The following FAM210B variants were observed in gnomAD, a reference collection of about 807,000 sequenced individuals.
The protein encoded by FAM210B is mitochondrial inner membrane scaffold 2.
FAM210B carries 11 observed loss-of-function variants against 14.9 expected under a neutral mutation model. The observed-to-expected ratio is 0.74, with a 90% CI of 0.46 to 1.22. FAM210B has a LOEUF of 1.22. FAM210B is among the 50% of genes most tolerant of loss of function. The pLI, the probability that FAM210B is intolerant of heterozygous loss-of-function variation, is 0.00. For missense variants in FAM210B, 229 were observed against 250.1 expected, an observed-to-expected ratio of 0.92 and a Z score of 0.57; for synonymous variants, 113 against 110.2, an observed-to-expected ratio of 1.03 and a Z score of -0.16.
intron 1 of FAM210B, among the ~76,000 whole-genome samples, chr20:56,361,303 C>G (rs1328834533): frequency 6.6e-6 from 1 of 152,174 alleles, no homozygotes; most frequent in African/African-American, 2.4e-5. Context: ...TGGTGTTTCT[C>G]TATGGCACTT....
chr20:56,365,469 G>C (rs899138117), intron 2 of FAM210B, among the ~76,000 whole-genome samples: 1 of 150,708 alleles, frequency 6.6e-6, no homozygotes, highest in East Asian at 2.0e-4. Context: ...CCAAGTAGCT[G>C]ACACTACAGG....
At chr20:56,361,864 CT>C (rs1983538727) in intron 1 of FAM210B, among the ~76,000 whole-genome samples, 1 of 152,122 alleles carries the variant, frequency 6.6e-6, no homozygotes, top group African/African-American at 2.4e-5. Flanking sequence ...GTAGTCCCAG[CT>C]TCTCGGGAGG....
Position 56,362,038 on chromosome 20 carries a change from C to T in FAM210B, c.186+2847C>T, listed in dbSNP as rs1842110511. On this transcript the variant is annotated intron_variant, in intron 1 of 2. Coordinates refer to ENST00000371384, the MANE Select transcript of FAM210B (RefSeq NM_080821.3). The surrounding 1 kb of genome is among the most constrained non-coding windows in gnomAD (Gnocchi z 4.8). ...CAGCTTGGTCTTGAACTTCTGGCCTCAAGCAATCCTCCTACACCTCAGCTT... is the reference window on the plus strand; with the variant it reads ...CAGCTTGGTCTTGAACTTCTGGCCTTAAGCAATCCTCCTACACCTCAGCTT... 6.6e-6 allele frequency among the ~76,000 whole-genome samples: 1 copy of T among 152,150 alleles called. No homozygotes were observed. Among genetic ancestry groups the T allele is most frequent in the Admixed American group, 6.5e-5 (1 of 15,276 alleles).
Position 56,367,530 on chromosome 20 carries a change from T to G in FAM210B, c.*1243T>G, listed in dbSNP as rs1285243345. ...GGCACACGCCTGTAGTCCCAGCTAC[T>G]GGGGAGGCTGAGGCAGCATTGCTTG... is the stretch of plus-strand genomic sequence containing the variant. On this transcript the variant is annotated 3_prime_UTR_variant, in exon 3 of 3. Transcript: ENST00000371384. The G allele has an allele frequency of 1.3e-5, 2 of 152,386 alleles. No individual in the cohort carries two copies. The highest frequency in any genetic ancestry group is 2.9e-5 in the Non-Finnish European group (2 of 68,206). 9.4% of individuals were successfully genotyped at this position (152,386 alleles called of 1,614,324 possible).
rs1489861595 is a variant in FAM210B, at chr20:56,358,977, G to A, written c.-29G>A. The A allele has an allele frequency of 4.2e-6, 5 of 1,189,056 alleles. No individual in the cohort carries two copies. Among genetic ancestry groups the A allele is most frequent in the Non-Finnish European group, 5.2e-6 (5 of 963,012 alleles). The allele number at this position is 1,189,056 out of a possible 1,614,324, so 73.7% of individuals were successfully genotyped here. A position where few individuals can be genotyped will look rare whatever the true frequency, so the allele number is the denominator to read the frequency against. ...GCCTCCGCCCGCCTCCCGGGTCAGCGGCGCGGGTGCTGCGCCTAGCTGCGC... is the reference window on the plus strand; with the variant it reads ...GCCTCCGCCCGCCTCCCGGGTCAGCAGCGCGGGTGCTGCGCCTAGCTGCGC... On this transcript the variant is annotated 5_prime_UTR_variant, in exon 1 of 3. Transcript: ENST00000371384.
rs1171081564 is a variant in FAM210B, at chr20:56,363,827, A to T, written c.187-1260A>T. On this transcript the variant is annotated intron_variant, in intron 1 of 2. Transcript: ENST00000371384. The surrounding 1 kb of genome is among the most constrained non-coding windows in gnomAD (Gnocchi z 4.1). ...TCTTGATTCTAGGAGTAAATCTGCC[A>T]TCGCTTTTGCTGCATTAATTTTGTG... is the stretch of plus-strand genomic sequence containing the variant. Among the ~76,000 whole-genome samples, 1 of 152,208 alleles carries T rather than the reference A, an allele frequency of 6.6e-6. No individual in the cohort carries two copies. Among genetic ancestry groups the T allele is most frequent in the Non-Finnish European group, 1.5e-5 (1 of 68,044 alleles).
chr20:56,365,575 G>A (rs1010636656), intron 2 of FAM210B, among the ~76,000 whole-genome samples: 1 of 152,054 alleles, frequency 6.6e-6, no homozygotes, highest in African/African-American at 2.4e-5. Context: ...GCGTGATCTC[G>A]GCTCACTGCA....
Position 56,359,070 on chromosome 20 carries a change from C to G in FAM210B, c.65C>G (p.Ala22Gly), listed in dbSNP as rs1179475099. The stretch of plus-strand genomic sequence containing the variant: ...GTGGGCGCCCGGGTCCGGCCTCGCG[C>G]CACCTGGCTCCTGGGCGCCACCGCC... ...GRVGARVRPRATWLLGATAPC... is the reference protein window; with the variant it reads ...GRVGARVRPRGTWLLGATAPC... The change falls in exon 1 of 3, where the codon GCC becomes GGC. Residue 22 changes from alanine (A) to glycine (G), a missense_variant. This residue lies in a region of FAM210B where 144 missense variants were observed against 132.5 expected (regional missense o/e 1.09). Transcript: ENST00000371384. The surrounding 1 kb of genome is among the most constrained non-coding windows in gnomAD (Gnocchi z 4.3). 5.2e-6 allele frequency: 7 copies of G among 1,356,264 alleles called. No individual in the cohort carries two copies. The highest frequency in any genetic ancestry group is 5.7e-6 in the Non-Finnish European group (6 of 1,050,104). The allele number at this position is 1,356,264 out of a possible 1,614,324, so 84.0% of individuals were successfully genotyped here.
At chr20:56,365,833 A>G (rs763088599) in intron 2 of FAM210B, among the ~76,000 whole-genome samples, 2 of 151,536 alleles carry the variant, frequency 1.3e-5, no homozygotes, top group Non-Finnish European at 2.9e-5. Context: ...TGTTGAGACA[A>G]GAGTCTTGCT....
chr20:56,366,391 G>T lies in FAM210B; in HGVS notation c.*104G>T. 9.6e-7 allele frequency: 1 copy of T among 1,037,912 alleles called. No homozygotes were observed. The highest frequency in any genetic ancestry group is 1.4e-6 in the Non-Finnish European group (1 of 703,820). The allele number at this position is 1,037,912 out of a possible 1,614,324, so 64.3% of individuals were successfully genotyped here. ...TGTAGGGTTTCTTTTGGAGAGGTAG[G>T]GGGCTAATTGCTATGTTCTCATGGA... On this transcript the variant is annotated 3_prime_UTR_variant, in exon 3 of 3. Transcript: ENST00000371384.
At chr20:56,365,747 G>A (rs927948940) in intron 2 of FAM210B, among the ~76,000 whole-genome samples, 1 of 151,982 alleles carries the variant, frequency 6.6e-6, no homozygotes. Flanking sequence ...CTAGTGATCC[G>A]CCCCCTCGGC....
chr20:56,363,116 A>T lies in FAM210B; in HGVS notation c.187-1971A>T, dbSNP rs994111083. The stretch of plus-strand genomic sequence containing the variant: ...GTGCTGGCCAAAGAAAGGGGGGCTG[A>T]TGACATCTTCCCTCCTCCCCTCCAG... On this transcript the variant is annotated intron_variant, in intron 1 of 2. Coordinates refer to ENST00000371384, the MANE Select transcript of FAM210B (RefSeq NM_080821.3). The surrounding 1 kb of genome is among the most constrained non-coding windows in gnomAD (Gnocchi z 4.1). 6.0e-4 allele frequency among the ~76,000 whole-genome samples: 92 copies of T among 152,214 alleles called. 1 individual carries two copies. Among genetic ancestry groups the T allele is most frequent in the Non-Finnish European group, 1.3e-4 (9 of 68,034 alleles).
rs79309835 is a variant in FAM210B at position 56,363,078 on chromosome 20, C to T, written c.187-2009C>T. Among the ~76,000 whole-genome samples, 16,396 of 152,240 alleles carry T rather than the reference C, an allele frequency of 0.11. 1,164 individuals are homozygous for T. Among genetic ancestry groups the T allele is most frequent in the Middle Eastern group, 0.16 (47 of 294 alleles). ...GACTAGTCAGAAGGCTTCAAGGAAA[C>T]GGGAGGTCACATGTGCTGGCCAAAG... On this transcript the variant is annotated intron_variant, in intron 1 of 2. Transcript: ENST00000371384. The surrounding 1 kb of genome is among the most constrained non-coding windows in gnomAD (Gnocchi z 4.1).
Position 56,359,031 on chromosome 20 carries a change from G to A in FAM210B, c.26G>A (p.Gly9Asp). ...ATGGCCGGGTTGCTGGCGTTGCTGG[G>A]TCCGGCAGGCAGGGTGGGCGCCCGG... MAGLLALL[G>D]PAGRVGARVR... Residue 9 changes from glycine (G) to aspartate (D), a missense_variant, in exon 1 of 3, where the codon GGT becomes GAT. Transcript: ENST00000371384. This position sits in a 1 kb window ranked among gnomAD's most constrained non-coding sequence, Gnocchi z 4.3. The A allele has an allele frequency of 1.5e-6, 2 of 1,347,272 alleles. No individual in the cohort carries two copies. Among genetic ancestry groups the A allele is most frequent in the Non-Finnish European group, 9.6e-7 (1 of 1,043,522 alleles). 83.5% of individuals were successfully genotyped at this position (1,347,272 alleles called of 1,614,324 possible). A position where few individuals can be genotyped will look rare whatever the true frequency, so the allele number is the denominator to read the frequency against.
intron 2 of FAM210B, 53 bp from the exon 3 acceptor site, chr20:56,366,015 TTTC>T (rs1289922631): frequency 3.0e-6 from 4 of 1,350,072 alleles, no homozygotes; most frequent in Non-Finnish European, 3.1e-6. Context: ...GCCAAATCAA[TTTC>T]TTCATTTAAT....
Position 56,368,385 on chromosome 20 carries a change from G to C in FAM210B, c.*2098G>C, listed in dbSNP as rs564325052. On this transcript the variant is annotated 3_prime_UTR_variant, in exon 3 of 3. Coordinates refer to ENST00000371384, the MANE Select transcript of FAM210B (RefSeq NM_080821.3). ...GATGGTGAAACCTACAGGTTTAAGG[G>C]CTTAAATCTCAAACTTTGTTAGGAG... 24 of 152,290 alleles carry C rather than the reference G, an allele frequency of 1.6e-4. No homozygotes were observed. The highest frequency in any genetic ancestry group is 1.5e-3 in the Admixed American group (23 of 15,280). 9.4% of individuals were successfully genotyped at this position (152,290 alleles called of 1,614,324 possible).
rs2146107670 is a variant in FAM210B at position 56,362,146 on chromosome 20, T to C, written c.187-2941T>C. 6.6e-6 allele frequency among the ~76,000 whole-genome samples: 1 copy of C among 152,294 alleles called. No individual in the cohort carries two copies. The highest frequency in any genetic ancestry group is 6.5e-5 in the Admixed American group (1 of 15,284). ...ACTCAGAACAGTGCCTAGTACAGAA[T>C]ATACACAATATAGTGTTTATTATTA... On this transcript the variant is annotated intron_variant, in intron 1 of 2. Transcript: ENST00000371384. This position sits in a 1 kb window ranked among gnomAD's most constrained non-coding sequence, Gnocchi z 4.8.
intron 2 of FAM210B, among the ~76,000 whole-genome samples, chr20:56,365,631 G>A (rs1367160145): frequency 6.6e-6 from 1 of 152,090 alleles, no homozygotes; most frequent in Admixed American, 6.5e-5. Context: ...TCAGCCTCCC[G>A]AGTAGCTGGG....
At chr20:56,364,403 C>G (rs78846641) in intron 1 of FAM210B, among the ~76,000 whole-genome samples, 1 of 152,342 alleles carries the variant, frequency 6.6e-6, no homozygotes, top group South Asian at 2.1e-4. Context: ...ACAACCCCCT[C>G]CCCGACACTG....
Sources: gnomAD v4.1 joint callset for allele counts (sites outside exome capture counted in the v4.1 genomes callset) on GRCh38, gnomAD v4.1.1 for gene constraint, gnomAD v4.1.1 regional missense constraint, Gnocchi (gnomAD v3.1) non-coding constraint, MANE v1.5 for transcripts, NCBI Gene and HGNC (gene_info 2026-07-23, HGNC 2026-07-21) for gene names.